The following SLC23A2 variants were observed in gnomAD, a reference collection of about 807,000 sequenced individuals.
The protein encoded by SLC23A2 is solute carrier family 23 member 2, also known as Na(+)/L-ascorbic acid transporter 2.
In SLC23A2, 36 loss-of-function variants were observed where a neutral mutation model predicts 73.3. That is an observed-to-expected ratio of 0.49 (90% CI 0.38 to 0.65). The LOEUF is 0.65. Among genes scored for constraint, SLC23A2 ranks in the 30% least tolerant of loss-of-function variants. The pLI is 0.00. For missense variants in SLC23A2, 507 were observed against 841.6 expected (o/e 0.60, Z 4.92); for synonymous variants, 343 against 327.3 (o/e 1.05, Z -0.52).
chr20:4,854,464 C>G lies in SLC23A2; in HGVS notation c.*2508G>C, dbSNP rs879881175. The G allele has an allele frequency of 2.0e-5, 3 of 152,150 alleles. No homozygotes were observed. Among genetic ancestry groups the G allele is most frequent in the Admixed American group, 2.0e-4 (3 of 15,264 alleles). 9.4% of individuals were successfully genotyped at this position (152,150 alleles called of 1,614,324 possible). A position where few individuals can be genotyped will look rare whatever the true frequency, so the allele number is the denominator to read the frequency against. On this transcript the variant is annotated 3_prime_UTR_variant, in exon 17 of 17. Transcript: ENST00000338244. ...ATTAGGGGACTCCAATCACTCAAGGCTGTGCAGAAAGTACCAGATTCAGCA... is the reference window on the plus strand; with the variant it reads ...ATTAGGGGACTCCAATCACTCAAGGGTGTGCAGAAAGTACCAGATTCAGCA...
intron 2 of SLC23A2, among the ~76,000 whole-genome samples, chr20:4,963,317 T>A (rs1484741699): frequency 2.0e-5 from 3 of 152,054 alleles, no homozygotes; most frequent in Non-Finnish European, 4.4e-5. Context: ...GTTCCTAAAT[T>A]GTGATCAGCA....
At chr20:4,893,514 T>G (rs768538235) in intron 6 of SLC23A2, among the ~76,000 whole-genome samples, 6 of 152,052 alleles carry the variant, frequency 3.9e-5, no homozygotes, top group Non-Finnish European at 5.9e-5. Context: ...CAATCATGAG[T>G]TCGAAGTCCC....
chr20:4,907,462 T>C (rs1047947600), intron 4 of SLC23A2, among the ~76,000 whole-genome samples: 4 of 152,102 alleles, frequency 2.6e-5, no homozygotes, highest in Non-Finnish European at 4.4e-5. Flanking sequence ...ATATAATCAA[T>C]GTAGTATTTT....
At chr20:4,997,626 T>C (rs534062346) in intron 1 of SLC23A2, among the ~76,000 whole-genome samples, 98 of 152,144 alleles carry the variant, frequency 6.4e-4, no homozygotes, top group African/African-American at 2.1e-3. Flanking sequence ...CCTGATCCAA[T>C]AGGAAAACTT....
At position 4,932,654 on chromosome 20, in the gene SLC23A2, C is replaced by CTA. The variant is rs1385729656; in HGVS notation, c.-94_-93dup. On this transcript the variant is annotated 5_prime_UTR_variant, in exon 3 of 17. An upstream open reading frame in the 5' UTR gains an earlier in-frame stop. Coordinates refer to ENST00000338244, the MANE Select transcript of SLC23A2 (RefSeq NM_005116.6). ...AGGAGCCCAGGATCAGCCGGCTCTTCTAGTGCCTGGAGCCCCCGATTCTCA... is the reference window on the plus strand; with the variant it reads ...AGGAGCCCAGGATCAGCCGGCTCTTCTATAGTGCCTGGAGCCCCCGATTCTCA... 8.0e-5 allele frequency: 61 copies of CTA among 760,076 alleles called. No individual in the cohort carries two copies. The highest frequency in any genetic ancestry group is 1.3e-4 in the Non-Finnish European group (55 of 420,666). The allele number at this position is 760,076 out of a possible 1,614,324, so 47.1% of individuals were successfully genotyped here.
chr20:4,863,245 CA>C lies in SLC23A2; in HGVS notation c.1357-339del, dbSNP rs1212421167. ...CACATGTCACCAAGGCAATTTCCCC[CA>C]AAGTGCTTCAGCCTCAATGCCAACT... On this transcript the variant is annotated intron_variant, in intron 13 of 16. Coordinates refer to ENST00000338244, the MANE Select transcript of SLC23A2 (RefSeq NM_005116.6). This position sits in a 1 kb window ranked among gnomAD's most constrained non-coding sequence, Gnocchi z 4.8. Among the ~76,000 whole-genome samples, 2 of 152,214 alleles carry C rather than the reference CA, an allele frequency of 1.3e-5. No individual in the cohort carries two copies. Among genetic ancestry groups the C allele is most frequent in the Non-Finnish European group, 2.9e-5 (2 of 68,044 alleles).
chr20:4,985,809 T>A, intron 1 of SLC23A2, among the ~76,000 whole-genome samples: 1 of 152,112 alleles, frequency 6.6e-6, no homozygotes, highest in East Asian at 1.9e-4. Context: ...AGAAACAGAC[T>A]GCGGATTAGT....
At position 4,956,425 on chromosome 20, in the gene SLC23A2, T is replaced by C. The variant is rs867123881; in HGVS notation, c.-155+14368A>G. ...CTAGTGTTACGAAATCTAATGGCACTTGGTAGAAGAAACCTAAATGTAAGA... is the reference window on the plus strand; with the variant it reads ...CTAGTGTTACGAAATCTAATGGCACCTGGTAGAAGAAACCTAAATGTAAGA... On this transcript the variant is annotated intron_variant, in intron 2 of 16. Transcript: ENST00000338244. Among the ~76,000 whole-genome samples, 5 of 152,358 alleles carry C rather than the reference T, an allele frequency of 3.3e-5. 1 individual carries two copies. Among genetic ancestry groups the C allele is most frequent in the Middle Eastern group, 3.4e-3 (1 of 294 alleles).
At chr20:4,878,594 A>G (rs753809608) in intron 9 of SLC23A2, among the ~76,000 whole-genome samples, 52 of 152,174 alleles carry the variant, frequency 3.4e-4, no homozygotes, top group Non-Finnish European at 5.7e-4. Flanking sequence ...CTCCCTTAGG[A>G]TTAAAAACTT....
chr20:4,874,538 G>T, intron 10 of SLC23A2, 38 bp downstream of exon 10: 2 of 1,565,904 alleles, frequency 1.3e-6, no homozygotes, highest in Non-Finnish European at 1.7e-6. Flanking sequence ...ATTAACCAAG[G>T]GCAAAAATGT....
intron 1 of SLC23A2, among the ~76,000 whole-genome samples, chr20:5,007,629 C>T (rs1038215616): frequency 6.6e-6 from 1 of 152,154 alleles, no homozygotes; most frequent in Admixed American, 6.6e-5. Flanking sequence ...AATTTTAGAA[C>T]ATTTTTATCA....
At chr20:4,895,193 C>T (rs1345326607) in intron 6 of SLC23A2, among the ~76,000 whole-genome samples, 1 of 152,196 alleles carries the variant, frequency 6.6e-6, no homozygotes, top group Admixed American at 6.5e-5. Flanking sequence ...CCTTCTGCTG[C>T]CCTAAGCCTA....
chr20:4,914,999 G>A (rs1405875435), intron 3 of SLC23A2, among the ~76,000 whole-genome samples: 1 of 152,030 alleles, frequency 6.6e-6, no homozygotes, highest in South Asian at 2.1e-4. Flanking sequence ...CTGGGTGACC[G>A]AGCAAGACAT....
chr20:4,981,291 C>T (rs2087722202), intron 1 of SLC23A2, among the ~76,000 whole-genome samples: 1 of 152,158 alleles, frequency 6.6e-6, no homozygotes, highest in South Asian at 2.1e-4. Flanking sequence ...CACGAACAGA[C>T]CTAATACATT....
intron 16 of SLC23A2, among the ~76,000 whole-genome samples, chr20:4,858,032 C>G (rs1929803889): frequency 6.6e-6 from 1 of 152,202 alleles, no homozygotes; most frequent in African/African-American, 2.4e-5. Context: ...AAATGCAAAT[C>G]TGAGTTTGCA....
rs565839272 is a variant in SLC23A2, at chr20:4,897,098, T to C, written c.482+2457A>G. On this transcript the variant is annotated intron_variant, in intron 6 of 16. Coordinates refer to ENST00000338244, the MANE Select transcript of SLC23A2 (RefSeq NM_005116.6). ...CAAGCCATGTGCTTCGATGTCACCA[T>C]TGCGCCCCACAATGGCCAGGCCCCG... 3.9e-5 allele frequency among the ~76,000 whole-genome samples: 6 copies of C among 152,184 alleles called. No individual in the cohort carries two copies. The South Asian group carries it at 8.3e-4, about 21-fold the overall frequency.
At chr20:4,985,088 G>C (rs917318758) in intron 1 of SLC23A2, among the ~76,000 whole-genome samples, 1 of 146,146 alleles carries the variant, frequency 6.8e-6, no homozygotes, top group Non-Finnish European at 1.5e-5. Flanking sequence ...AGTGAGCTGA[G>C]ATGGCGCCAC....
upstream of SLC23A2, among the ~76,000 whole-genome samples, chr20:5,001,821 A>G (rs2088132907): frequency 6.6e-6 from 1 of 151,868 alleles, no homozygotes; most frequent in Admixed American, 6.6e-5. Context: ...GTCCTGGTCC[A>G]GGTCCCCCCT....
chr20:4,968,818 A>G (rs569930926), intron 2 of SLC23A2, among the ~76,000 whole-genome samples: 19 of 149,786 alleles, frequency 1.3e-4, no homozygotes, highest in South Asian at 6.4e-4. Flanking sequence ...TCCTGAGGTC[A>G]TGCAATTCTC....
Sources: gnomAD v4.1 joint callset for allele counts (sites outside exome capture counted in the v4.1 genomes callset) on GRCh38, gnomAD v4.1.1 for gene constraint, Gnocchi (gnomAD v3.1) non-coding constraint, MANE v1.5 for transcripts, NCBI Gene and HGNC (gene_info 2026-07-23, HGNC 2026-07-21) for gene names.